CEP104: variants seen among roughly 807,000 people sequenced by gnomAD.
CEP104 encodes the protein centrosomal protein 104, also known as centrosomal protein of 104 kDa.
CEP104 carries 84 observed loss-of-function variants against 113.3 expected under a neutral mutation model. The ratio of observed to expected loss-of-function variants is 0.74; its 90% CI spans 0.62 to 0.89. The LOEUF (loss-of-function observed/expected upper bound fraction) is 0.89, where lower values mean the gene tolerates loss of function less well. Among genes scored for constraint, CEP104 ranks in the 40% least tolerant of loss-of-function variants. The pLI, the probability that CEP104 is intolerant of heterozygous loss-of-function variation, is 0.00. For missense variants in CEP104, 1,053 were observed against 1,156.6 expected (o/e 0.91, Z 1.30); for synonymous variants, 378 against 421.7 (o/e 0.90, Z 1.27).
chr1:3,851,835 C>T (rs1290062919), intron 2 of CEP104, among the ~76,000 whole-genome samples: 2 of 152,074 alleles, frequency 1.3e-5, no homozygotes, highest in African/African-American at 4.8e-5. Flanking sequence ...ATAAAGTATA[C>T]GCGTGTTTAA....
intron 9 of CEP104, 131 bp from the exon 10 acceptor site, chr1:3,836,823 T>A: frequency 1.5e-6 from 1 of 684,598 alleles, no homozygotes; most frequent in Non-Finnish European, 2.5e-6. Flanking sequence ...TAAATATCAG[T>A]ATCATCAGAT....
chr1:3,829,495 C>A, intron 14 of CEP104, 122 bp from the exon 15 acceptor site: 1 of 725,760 alleles, frequency 1.4e-6, no homozygotes, highest in Non-Finnish European at 2.2e-6. Flanking sequence ...AGACTAATAA[C>A]AAGTTAGAAT....
intron 1 of CEP104, among the ~76,000 whole-genome samples, chr1:3,854,635 A>ATT (rs34466194): frequency 1.3e-4 from 16 of 126,120 alleles, no homozygotes; most frequent in African/African-American, 3.7e-4. Context: ...TGCCTGGCTA[A>ATT]TTTTTTTTTT....
intron 5 of CEP104, 44 bp downstream of exon 5, chr1:3,845,245 T>C (rs1277721370): frequency 7.5e-7 from 1 of 1,329,732 alleles, no homozygotes; most frequent in Non-Finnish European, 1.1e-6. Context: ...CCTCCCATTA[T>C]AAATAGATTT....
chr1:3,839,295 TTTAA>T (rs967708455), intron 7 of CEP104, among the ~76,000 whole-genome samples, 176 bp from the exon 8 acceptor site: 9 of 152,108 alleles, frequency 5.9e-5, no homozygotes, highest in African/African-American at 2.2e-4. Flanking sequence ...TGTATGGGCA[TTTAA>T]TAAGCTCATG....
chr1:3,848,701 T>C lies in CEP104; in HGVS notation c.194A>G (p.Gln65Arg). 1.2e-6 allele frequency: 2 copies of C among 1,613,756 alleles called. No individual in the cohort carries two copies. The highest frequency in any genetic ancestry group is 2.7e-5 in the African/African-American group (2 of 74,988). Reference protein sequence around the residue: ...RIRKLQLLAHQYMISSKIEFY... With the variant: ...RIRKLQLLAHRYMISSKIEFY... Reference sequence around the variant, plus strand: ...CTCAATTTTACTTGAAATCATATACTGGTGAGCAAGTAACTGCAGTTTCCT... The same window carrying C: ...CTCAATTTTACTTGAAATCATATACCGGTGAGCAAGTAACTGCAGTTTCCT... The change falls in exon 3 of 22, where the codon CAG becomes CGG. Residue 65 changes from glutamine to arginine, a missense_variant. Physicochemically the swap from Gln to Arg is conservative, Grantham distance 43. Coordinates refer to ENST00000378230, the MANE Select transcript of CEP104 (RefSeq NM_014704.4).
Position 3,832,581 on chromosome 1 carries a change from T to C in CEP104, c.1659+1281A>G, listed in dbSNP as rs1280735289. ...TAGCACATTAGCATGACAGCATTTCTTCTTACCTTTTTATTAGCATTCCTT... is the reference window on the plus strand; with the variant it reads ...TAGCACATTAGCATGACAGCATTTCCTCTTACCTTTTTATTAGCATTCCTT... On this transcript the variant is annotated intron_variant, in intron 12 of 21. Coordinates refer to ENST00000378230, the MANE Select transcript of CEP104 (RefSeq NM_014704.4). Among the ~76,000 whole-genome samples the C allele has an allele frequency of 8.5e-5, 13 of 152,350 alleles. No homozygotes were observed. In the East Asian group the frequency reaches 1.5e-3, roughly 18 times the overall value.
intron 18 of CEP104, among the ~76,000 whole-genome samples, chr1:3,824,061 T>C (rs1644035574): frequency 1.3e-5 from 2 of 152,204 alleles, no homozygotes; most frequent in Admixed American, 1.3e-4. Flanking sequence ...TTCAACCTCT[T>C]TTCTTCATAA....
chr1:3,832,600 ATTCCTT>A (rs1373439946), intron 12 of CEP104, among the ~76,000 whole-genome samples: 3 of 152,172 alleles, frequency 2.0e-5, no homozygotes, highest in Non-Finnish European at 2.9e-5. Flanking sequence ...TTTTATTAGC[ATTCCTT>A]TTCCTTATTT....
chr1:3,844,371 G>A (rs924145054), intron 6 of CEP104, among the ~76,000 whole-genome samples: 1 of 152,146 alleles, frequency 6.6e-6, no homozygotes, highest in African/African-American at 2.4e-5. Flanking sequence ...ACTTTGGGAG[G>A]CTGAGGCAGG....
At chr1:3,835,557 G>C (rs113946478) in intron 10 of CEP104, among the ~76,000 whole-genome samples, 2 of 152,092 alleles carry the variant, frequency 1.3e-5, no homozygotes, top group Non-Finnish European at 2.9e-5. Flanking sequence ...ATTTTTAGTA[G>C]AGATGGGGTT....
Position 3,847,572 on chromosome 1 carries a change from G to T in CEP104, c.329C>A (p.Ala110Asp). 14 of 1,613,870 alleles carry T rather than the reference G, an allele frequency of 8.7e-6. No homozygotes were observed. The highest frequency in any genetic ancestry group is 1.2e-5 in the Non-Finnish European group (14 of 1,179,908). Residue 110 changes from alanine to aspartate, a missense_variant, in exon 4 of 22, where the codon GCC becomes GAC. By Grantham distance (126) the Ala-to-Asp change is moderately radical. Transcript: ENST00000378230. ...CACATAAACTGATTTTAGTTCCCGG[G>T]CTTTGCAACCTGTCTTTTCATTATC... ...LCDNEKTGCK[A>D]RELKSVYVDA...
At chr1:3,848,548 G>C (rs1454283726) in intron 3 of CEP104, 60 bp downstream of exon 3, 7 of 650,266 alleles carry the variant, frequency 1.1e-5, no homozygotes, top group Non-Finnish European at 1.6e-5. Context: ...AAAAAAAAAA[G>C]AGCTTTCAGG....
rs1570775635 is a variant in CEP104 at position 3,823,672 on chromosome 1, C to A, written c.2365-110G>T. On this transcript the variant is annotated intron_variant, in intron 18 of 21. Transcript: ENST00000378230. The surrounding 1 kb of genome is among the most constrained non-coding windows in gnomAD (Gnocchi z 4.1). Reference sequence around the variant, plus strand: ...CCCTGCCCAGGGAGGTCTGTGCCGCCTGCACATGAAGTAAGCCACAGGCTT... The same window carrying A: ...CCCTGCCCAGGGAGGTCTGTGCCGCATGCACATGAAGTAAGCCACAGGCTT... 7.6e-7 allele frequency: 1 copy of A among 1,318,540 alleles called. No homozygotes were observed. Among genetic ancestry groups the A allele is most frequent in the East Asian group, 2.3e-5 (1 of 43,468 alleles). 81.7% of individuals were successfully genotyped at this position (1,318,540 alleles called of 1,614,324 possible).
At chr1:3,854,031 G>A (rs1557697693) in intron 1 of CEP104, among the ~76,000 whole-genome samples, 1 of 152,222 alleles carries the variant, frequency 6.6e-6, no homozygotes, top group Non-Finnish European at 1.5e-5. Flanking sequence ...TGCCAGAAAC[G>A]CACAGCCCAT....
At chr1:3,847,839 T>C (rs1011624119) in intron 3 of CEP104, 3 of 509,900 alleles carry the variant, frequency 5.9e-6, no homozygotes, top group Admixed American at 3.7e-5. Context: ...TCTTTTGTTG[T>C]TGTTGTTGTT....
intron 13 of CEP104, 143 bp downstream of exon 13, chr1:3,830,903 T>C: frequency 1.2e-6 from 1 of 834,934 alleles, no homozygotes; most frequent in Non-Finnish European, 1.8e-6. Flanking sequence ...GGGGCCCCCA[T>C]TTGTTGGATG....
At chr1:3,827,771 G>A (rs1458723647) in intron 15 of CEP104, among the ~76,000 whole-genome samples, 1 of 152,196 alleles carries the variant, frequency 6.6e-6, no homozygotes, top group Non-Finnish European at 1.5e-5. Flanking sequence ...CGCTGGCCTC[G>A]AGGCCCCCAC....
intron 10 of CEP104, 35 bp from the exon 11 acceptor site, chr1:3,835,127 A>G (rs1476786385): frequency 1.3e-6 from 2 of 1,594,434 alleles, no homozygotes; most frequent in South Asian, 1.1e-5. Flanking sequence ...ATGGCATCAC[A>G]CAACCATCCT....
Sources: allele counts gnomAD v4.1 joint callset (sites outside exome capture counted in the v4.1 genomes callset), GRCh38; gene constraint gnomAD v4.1.1; non-coding constraint Gnocchi (gnomAD v3.1); transcripts MANE v1.5; gene names NCBI Gene and HGNC (gene_info 2026-07-23, HGNC 2026-07-21).